Variants in CNOT6 observed in about 807,000 individuals in gnomAD.
CNOT6 encodes the protein CCR4-NOT transcription complex subunit 6.
In CNOT6, 12 loss-of-function variants were observed where a neutral mutation model predicts 61.2. The observed-to-expected ratio is 0.20, with a 90% CI of 0.13 to 0.32. The LOEUF is 0.32. CNOT6 is among the 10% of genes least tolerant of loss of function. CNOT6 has a pLI of 1.00. For synonymous variants in CNOT6, 225 were observed against 240.6 expected (o/e 0.94, Z 0.60); for missense variants, 405 against 663.9 (o/e 0.61, Z 4.28).
At chr5:180,565,570 T>C (rs1760408577) in intron 6 of CNOT6, among the ~76,000 whole-genome samples, 1 of 152,182 alleles carries the variant, frequency 6.6e-6, no homozygotes, top group Non-Finnish European at 1.5e-5. Flanking sequence ...CTTAGACTTT[T>C]CACTTCCAGA....
At chr5:180,552,629 G>A (rs375831791) in intron 3 of CNOT6, among the ~76,000 whole-genome samples, 138 of 147,420 alleles carry the variant, frequency 9.4e-4, no homozygotes, top group Middle Eastern at 7.1e-3. Flanking sequence ...CTGGGCAATG[G>A]AGCGAGACTC....
At chr5:180,547,007 A>G (rs779242761) in intron 2 of CNOT6, among the ~76,000 whole-genome samples, 9 of 152,204 alleles carry the variant, frequency 5.9e-5, no homozygotes, top group East Asian at 1.9e-4. Flanking sequence ...ACTTTATTCA[A>G]TGTTTTAAAT....
rs763078311 is a variant in CNOT6, at chr5:180,550,019, T to C, written c.201T>C (p.Pro67=). The change falls in exon 3 of 12, where the codon CCT becomes CCC. Residue 67 remains proline, a synonymous_variant. Coordinates refer to ENST00000261951, the MANE Select transcript of CNOT6 (RefSeq NM_001370472.1). ...GTGACAATTCCCTGTCCCGAATTCC[T>C]TCAGACATTGCCAAGCTTCACAATC... The part of the protein sequence containing the change: ...HLSDNSLSRI[P]SDIAKLHNLV... 6.2e-6 allele frequency: 10 copies of C among 1,614,028 alleles called. No individual in the cohort carries two copies. In the South Asian group the frequency reaches 1.1e-4, roughly 18 times the overall value.
intron 1 of CNOT6, among the ~76,000 whole-genome samples, chr5:180,498,129 T>C (rs1287839038): frequency 6.6e-6 from 1 of 152,092 alleles, no homozygotes; most frequent in Middle Eastern, 3.4e-3. Flanking sequence ...GAATGTACTG[T>C]ATTTTGGTAC....
At chr5:180,546,642 T>A (rs11960298) in intron 2 of CNOT6, among the ~76,000 whole-genome samples, 41,350 of 152,168 alleles carry the variant, frequency 0.27, 6,204 homozygotes, top group Middle Eastern at 0.41. Context: ...TTTAAATAGT[T>A]GTAGAGAAAA....
At position 180,571,014 on chromosome 5, in the gene CNOT6, T is replaced by C. The variant is rs557169336; in HGVS notation, c.1259-216T>C. On this transcript the variant is annotated intron_variant, in intron 10 of 11. Transcript: ENST00000261951. ...TTGTGCAGCCATTAAAGAACGATAA[T>C]TGGGAAGACACATGTTCATAAAGCA... 6.6e-5 allele frequency among the ~76,000 whole-genome samples: 10 copies of C among 152,304 alleles called. No homozygotes were observed. In the East Asian group the frequency reaches 1.9e-3, roughly 29 times the overall value.
intron 2 of CNOT6, among the ~76,000 whole-genome samples, chr5:180,541,486 C>G (rs979939089): frequency 1.8e-5 from 2 of 110,384 alleles, no homozygotes; most frequent in Non-Finnish European, 3.4e-5. Context: ...GAGTTTCGCT[C>G]TGTTGCCCAG....
At chr5:180,562,904 A>G (rs1760257355) in intron 4 of CNOT6, among the ~76,000 whole-genome samples, 1 of 152,152 alleles carries the variant, frequency 6.6e-6, no homozygotes, top group South Asian at 2.1e-4. Flanking sequence ...CGGGATTGTG[A>G]CTCAGTGAAA....
intron 10 of CNOT6, 23 bp from the exon 11 acceptor site, chr5:180,571,206 TA>T (rs751371327): frequency 2.1e-5 from 33 of 1,537,088 alleles, no homozygotes; most frequent in East Asian, 6.7e-5. Flanking sequence ...TATTTGACAA[TA>T]AAAAAATTTG....
chr5:180,530,905 A>C (rs1353145455), intron 2 of CNOT6, among the ~76,000 whole-genome samples: 11 of 152,226 alleles, frequency 7.2e-5, no homozygotes, highest in African/African-American at 2.7e-4. Flanking sequence ...GATTAACAGC[A>C]TCCCAAGGCA....
In CNOT6 at chr5:180,565,965, C is replaced by T. The variant is rs1189249930; in HGVS notation, c.705C>T (p.Ile235=). 2.3e-5 allele frequency: 37 copies of T among 1,612,514 alleles called. No homozygotes were observed. The highest frequency in any genetic ancestry group is 2.7e-5 in the Non-Finnish European group (32 of 1,179,242). Reference sequence around the variant, plus strand: ...AAATCTTGAGCTGCAATGCTGATATCGTAAGTCTTCAGGTAAGTCAGACAG... The same window carrying T: ...AAATCTTGAGCTGCAATGCTGATATTGTAAGTCTTCAGGTAAGTCAGACAG... ...IQEILSCNAD[I]VSLQEVETEQ... Residue 235 remains isoleucine (I), a synonymous_variant, in exon 7 of 12, where the codon ATC becomes ATT. Transcript: ENST00000261951.
chr5:180,555,735 C>T (rs992495715), intron 4 of CNOT6, among the ~76,000 whole-genome samples: 15 of 152,292 alleles, frequency 9.8e-5, no homozygotes, highest in African/African-American at 3.6e-4. Flanking sequence ...TTTCTCCCGG[C>T]ATCCGCTTGG....
At position 180,567,248 on chromosome 5, in the gene CNOT6, T is replaced by A. The variant is rs1457447851; in HGVS notation, c.872+6T>A. 3 of 1,594,702 alleles carry A rather than the reference T, an allele frequency of 1.9e-6. No homozygotes were observed. The South Asian group carries it at 3.4e-5, about 18-fold the overall frequency. On this transcript the variant is annotated splice_donor_region_variant and intron_variant, in intron 8 of 11. Coordinates refer to ENST00000261951, the MANE Select transcript of CNOT6 (RefSeq NM_001370472.1). ...ATATTCTTCAAGACAGAAAAGTAAG[T>A]CATCTTATTTTTTAAAAAGAACGTT...
At chr5:180,555,501 A>G (rs979182148) in intron 4 of CNOT6, among the ~76,000 whole-genome samples, 2 of 152,160 alleles carry the variant, frequency 1.3e-5, no homozygotes, top group Non-Finnish European at 2.9e-5. Flanking sequence ...TGCTTATCTC[A>G]CATATCCTGC....
At chr5:180,521,614 A>G (rs1209453874) in intron 1 of CNOT6, among the ~76,000 whole-genome samples, 2 of 152,188 alleles carry the variant, frequency 1.3e-5, no homozygotes, top group Non-Finnish European at 2.9e-5. Flanking sequence ...GGTTTGTTAC[A>G]TGGGTATATT....
intron 7 of CNOT6, among the ~76,000 whole-genome samples, chr5:180,566,212 TTCC>T (rs1475520444): frequency 6.6e-6 from 1 of 152,218 alleles, no homozygotes; most frequent in Non-Finnish European, 1.5e-5. Context: ...AATACTCACC[TTCC>T]TCCTCCCTCC....
chr5:180,498,043 C>CA (rs113013152), intron 1 of CNOT6, among the ~76,000 whole-genome samples: 226 of 91,814 alleles, frequency 2.5e-3, no homozygotes, highest in Admixed American at 2.7e-3. Flanking sequence ...AACTCCATCT[C>CA]AAAAAAAAAA....
intron 1 of CNOT6, among the ~76,000 whole-genome samples, chr5:180,519,868 T>C (rs1169016023): frequency 6.7e-6 from 1 of 150,088 alleles, no homozygotes; most frequent in East Asian, 2.0e-4. Flanking sequence ...GGAATCTCGC[T>C]CTATTGCCTA....
Position 180,523,220 on chromosome 5 carries a change from G to A in CNOT6, c.-2-6055G>A, listed in dbSNP as rs574696245. On this transcript the variant is annotated intron_variant, in intron 1 of 11. Coordinates refer to ENST00000261951, the MANE Select transcript of CNOT6 (RefSeq NM_001370472.1). ...TAAGTGTGAGCATAGAGGAAAAACAGTTTGTCTTTTACAGTTGCTTCTCAG... is the reference window on the plus strand; with the variant it reads ...TAAGTGTGAGCATAGAGGAAAAACAATTTGTCTTTTACAGTTGCTTCTCAG... Among the ~76,000 whole-genome samples, 3 of 152,278 alleles carry A rather than the reference G, an allele frequency of 2.0e-5. No homozygotes were observed. In the South Asian group the frequency reaches 6.2e-4, roughly 32 times the overall value.
Sources: allele counts gnomAD v4.1 joint callset (sites outside exome capture counted in the v4.1 genomes callset), GRCh38; gene constraint gnomAD v4.1.1; transcripts MANE v1.5; gene names NCBI Gene and HGNC (gene_info 2026-07-23, HGNC 2026-07-21).